PHF19: variants seen among roughly 807,000 people sequenced by gnomAD.
PHF19 encodes PHD finger protein 19.
PHF19 carries 21 observed loss-of-function variants against 79.8 expected under a neutral mutation model. The ratio of observed to expected loss-of-function variants is 0.26; its 90% CI spans 0.19 to 0.38. PHF19 has a LOEUF of 0.38. PHF19 is among the 10% of genes least tolerant of loss of function. The probability of loss-of-function intolerance (pLI) is 1.00; values close to 1 mark genes in which losing one functional copy is unlikely to be tolerated. For synonymous variants in PHF19, 273 were observed against 296.3 expected, an observed-to-expected ratio of 0.92 and a Z score of 0.81; for missense variants, 445 against 744.2, an observed-to-expected ratio of 0.60 and a Z score of 4.68.
At chr9:120,890,266 G>A in intron 1 of PHF19, among the ~76,000 whole-genome samples, 1 of 135,476 alleles carries the variant, frequency 7.4e-6, no homozygotes, top group South Asian at 2.7e-4. Flanking sequence ...CCTCACAAAT[G>A]AGCCTGCTTT....
rs2045716273 is a variant in PHF19, at chr9:120,866,806, T to C, written c.710+64A>G. ...CCTGGCAGTCAACCTGCAGGAGTTGTTGCTGCCATCCCTGCCCTCTCCCCA... is the reference window on the plus strand; with the variant it reads ...CCTGGCAGTCAACCTGCAGGAGTTGCTGCTGCCATCCCTGCCCTCTCCCCA... On this transcript the variant is annotated intron_variant, in intron 7 of 14. Coordinates refer to ENST00000373896, the MANE Select transcript of PHF19 (RefSeq NM_015651.3). The surrounding 1 kb of genome is among the most constrained non-coding windows in gnomAD (Gnocchi z 5.2). 4.6e-6 allele frequency: 4 copies of C among 860,922 alleles called. No homozygotes were observed. The South Asian group carries it at 5.3e-5, about 12-fold the overall frequency. 53.3% of individuals were successfully genotyped at this position (860,922 alleles called of 1,614,324 possible). A position where few individuals can be genotyped will look rare whatever the true frequency, so the allele number is the denominator to read the frequency against.
chr9:120,896,700 G>A (rs993224549), upstream of PHF19, among the ~76,000 whole-genome samples: 14 of 151,996 alleles, frequency 9.2e-5, no homozygotes, highest in African/African-American at 2.7e-4. Flanking sequence ...TGATCCGCCC[G>A]TCTCGGCCTC....
Position 120,861,911 on chromosome 9 carries a change from A to G in PHF19, c.1218+7T>C. 1.9e-6 allele frequency: 3 copies of G among 1,585,240 alleles called. No individual in the cohort carries two copies. The South Asian group carries it at 3.3e-5, about 18-fold the overall frequency. ...GAAAATGGAGAGTAAGAAAACAAGG[A>G]ACTAACACTGGGAATAGCATCTTCC... On this transcript the variant is annotated splice_region_variant and intron_variant, in intron 12 of 14. Coordinates refer to ENST00000373896, the MANE Select transcript of PHF19 (RefSeq NM_015651.3).
rs2045577432 is a variant in PHF19, at chr9:120,862,919, G to C, written c.969-170C>G. 1 of 627,320 alleles carries C rather than the reference G, an allele frequency of 1.6e-6. No individual in the cohort carries two copies. Among genetic ancestry groups the C allele is most frequent in the African/African-American group, 1.8e-5 (1 of 54,698 alleles). The allele number at this position is 627,320 out of a possible 1,614,324, so 38.9% of individuals were successfully genotyped here. On this transcript the variant is annotated intron_variant, in intron 10 of 14. Coordinates refer to ENST00000373896, the MANE Select transcript of PHF19 (RefSeq NM_015651.3). The surrounding 1 kb of genome is among the most constrained non-coding windows in gnomAD (Gnocchi z 4.6). ...AAAGCCCATGGGATGCGGGGTTCCA[G>C]GTAGCAGCTGAGAACACGGCTGGTG...
At chr9:120,881,436 C>T (rs149647333), upstream of PHF19, among the ~76,000 whole-genome samples, 1,178 of 152,020 alleles carry the variant, frequency 7.7e-3, 20 homozygotes, top group African/African-American at 0.027. Flanking sequence ...CGTGAGTCAC[C>T]GTGCCTGGCC....
intron 1 of PHF19, among the ~76,000 whole-genome samples, chr9:120,883,065 G>A (rs1006746002): frequency 6.6e-6 from 1 of 152,136 alleles, no homozygotes; most frequent in African/African-American, 2.4e-5. Context: ...ATTAACACCA[G>A]TTTTAAAAAA....
At chr9:120,896,168 A>C (rs888040099), upstream of PHF19, among the ~76,000 whole-genome samples, 1 of 152,216 alleles carries the variant, frequency 6.6e-6, no homozygotes, top group African/African-American at 2.4e-5. Context: ...GGGAGGAATT[A>C]TGTAACAAGT....
At chr9:120,863,253 T>C (rs111993884) in intron 10 of PHF19, among the ~76,000 whole-genome samples, 1 of 150,116 alleles carries the variant, frequency 6.7e-6, no homozygotes, top group Non-Finnish European at 1.5e-5. Flanking sequence ...GGTGGCCTCT[T>C]GTACTGAAGA....
upstream of PHF19, among the ~76,000 whole-genome samples, chr9:120,897,023 C>T (rs566822616): frequency 1.3e-5 from 2 of 152,362 alleles, no homozygotes; most frequent in African/African-American, 4.8e-5. Flanking sequence ...AGATGACTTG[C>T]TTTCAAGCCC....
intron 1 of PHF19, among the ~76,000 whole-genome samples, chr9:120,890,092 CAG>C (rs777260568): frequency 2.0e-5 from 3 of 152,218 alleles, no homozygotes; most frequent in Non-Finnish European, 2.9e-5. Context: ...CTTCTCATCT[CAG>C]TGCCCAGTTC....
intron 1 of PHF19, among the ~76,000 whole-genome samples, chr9:120,890,794 C>T (rs1427193918): frequency 6.6e-6 from 1 of 152,158 alleles, no homozygotes; most frequent in Non-Finnish European, 1.5e-5. Context: ...AACCCCAGCC[C>T]ATCACAGGTT....
chr9:120,892,270 C>T (rs1052476099), intron 1 of PHF19, among the ~76,000 whole-genome samples: 1 of 152,134 alleles, frequency 6.6e-6, no homozygotes, highest in African/African-American at 2.4e-5. Flanking sequence ...GTGTGCTTGC[C>T]TGGCCTTGTC....
intron 1 of PHF19, among the ~76,000 whole-genome samples, chr9:120,876,652 T>C (rs1049166569): frequency 1.3e-5 from 2 of 151,960 alleles, no homozygotes; most frequent in Non-Finnish European, 2.9e-5. Context: ...AGGGCGGCCG[T>C]TGGCTTTTTA....
chr9:120,876,706 C>G (rs532064116), intron 1 of PHF19, among the ~76,000 whole-genome samples: 61 of 152,196 alleles, frequency 4.0e-4, no homozygotes, highest in Non-Finnish European at 6.9e-4. Context: ...AGAAGCACCC[C>G]CTTCGGGTTC....
chr9:120,891,650 C>A lies in PHF19; in HGVS notation c.42+3138G>T, dbSNP rs1341006249. Among the ~76,000 whole-genome samples, 1 of 152,124 alleles carries A rather than the reference C, an allele frequency of 6.6e-6. No homozygotes were observed. Among genetic ancestry groups the A allele is most frequent in the Admixed American group, 6.5e-5 (1 of 15,278 alleles). On this transcript the variant is annotated intron_variant, in intron 1 of 14. Coordinates refer to the PHF19 transcript ENST00000616568. The surrounding 1 kb of genome is among the most constrained non-coding windows in gnomAD (Gnocchi z 4.3). ...GGGAGTATAACCTTGAACTCGGAAC[C>A]CCACTATATTTGCCATATTTGTTGT...
At position 120,866,727 on chromosome 9, in the gene PHF19, T is replaced by G; in HGVS notation, c.710+143A>C. 1.6e-6 allele frequency: 1 copy of G among 618,534 alleles called. No individual in the cohort carries two copies. Among genetic ancestry groups the G allele is most frequent in the Non-Finnish European group, 3.0e-6 (1 of 334,242 alleles). The allele number at this position is 618,534 out of a possible 1,614,324, so 38.3% of individuals were successfully genotyped here. ...AGCTAGGGGATCCCCTACCTTGAGCTGCCTCCAGTAAACAGGTAGGCATAC... is the reference window on the plus strand; with the variant it reads ...AGCTAGGGGATCCCCTACCTTGAGCGGCCTCCAGTAAACAGGTAGGCATAC... On this transcript the variant is annotated intron_variant, in intron 7 of 14. Coordinates refer to ENST00000373896, the MANE Select transcript of PHF19 (RefSeq NM_015651.3). This position sits in a 1 kb window ranked among gnomAD's most constrained non-coding sequence, Gnocchi z 5.2.
rs2045721968 is a variant in PHF19 at position 120,866,979 on chromosome 9, G to A, written c.615-14C>T. The A allele has an allele frequency of 1.3e-6, 2 of 1,554,328 alleles. No individual in the cohort carries two copies. The highest frequency in any genetic ancestry group is 1.8e-6 in the Non-Finnish European group (2 of 1,125,710). ...CGCAGGTACCATCTGGAGAGACAGA[G>A]GAGCCAAGGTCAGCCAGGACCACAC... On this transcript the variant is annotated splice_polypyrimidine_tract_variant and intron_variant, in intron 6 of 14. Coordinates refer to ENST00000373896, the MANE Select transcript of PHF19 (RefSeq NM_015651.3). This position sits in a 1 kb window ranked among gnomAD's most constrained non-coding sequence, Gnocchi z 5.2.
At position 120,860,340 on chromosome 9, in the gene PHF19, C is replaced by T; in HGVS notation, c.1305-155G>A. On this transcript the variant is annotated intron_variant, in intron 13 of 14. Coordinates refer to ENST00000373896, the MANE Select transcript of PHF19 (RefSeq NM_015651.3). This position sits in a 1 kb window ranked among gnomAD's most constrained non-coding sequence, Gnocchi z 4.1. ...CACCACCACACCTGTCTGTTTCCTA[C>T]CCAGCCACCCTTCAAAGTCCAAGAA... 2 of 600,418 alleles carry T rather than the reference C, an allele frequency of 3.3e-6. No individual in the cohort carries two copies. The highest frequency in any genetic ancestry group is 3.8e-5 in the South Asian group (2 of 52,922). 37.2% of individuals were successfully genotyped at this position (600,418 alleles called of 1,614,324 possible). A position where few individuals can be genotyped will look rare whatever the true frequency, so the allele number is the denominator to read the frequency against.
rs1314519269 is a variant in PHF19 at position 120,856,656 on chromosome 9, A to C, written c.*1288T>G. The C allele has an allele frequency of 6.6e-6, 1 of 152,540 alleles. No individual in the cohort carries two copies. The highest frequency in any genetic ancestry group is 1.9e-4 in the East Asian group (1 of 5,202). 9.4% of individuals were successfully genotyped at this position (152,540 alleles called of 1,614,324 possible). On this transcript the variant is annotated 3_prime_UTR_variant, in exon 15 of 15. Coordinates refer to ENST00000373896, the MANE Select transcript of PHF19 (RefSeq NM_015651.3). ...ATGTTGGTTCCAAAAATTCTCTTTC[A>C]AACCCCCACTGGCAAGGGCTTCCCT...
Sources: gnomAD v4.1 joint callset for allele counts (sites outside exome capture counted in the v4.1 genomes callset) on GRCh38, gnomAD v4.1.1 for gene constraint, Gnocchi (gnomAD v3.1) non-coding constraint, MANE v1.5 for transcripts, NCBI Gene and HGNC (gene_info 2026-07-23, HGNC 2026-07-21) for gene names.